IGSF9B: variants seen among roughly 807,000 people sequenced by gnomAD.
The protein encoded by IGSF9B is immunoglobulin superfamily member 9B.
In IGSF9B, 48 loss-of-function variants were observed where a neutral mutation model predicts 143.7. The observed-to-expected ratio is 0.33, with a 90% CI of 0.26 to 0.42. The LOEUF is 0.42. Among genes scored for constraint, IGSF9B ranks in the 20% least tolerant of loss-of-function variants. The pLI, the probability that IGSF9B is intolerant of heterozygous loss-of-function variation, is 1.00. For missense variants in IGSF9B, 1,706 were observed against 1,980.0 expected (o/e 0.86, Z 2.63); for synonymous variants, 903 against 833.1 (o/e 1.08, Z -1.44).
chr11:133,948,057 G>A lies in IGSF9B; in HGVS notation c.65-1799C>T, dbSNP rs562838181. 5.2e-5 allele frequency among the ~76,000 whole-genome samples: 1 copy of A among 19,108 alleles called. No individual in the cohort carries two copies. The highest frequency in any genetic ancestry group is 8.5e-5 in the Non-Finnish European group (1 of 11,760). 12.5% of individuals were successfully genotyped at this position (19,108 alleles called of 152,430 possible). A position where few individuals can be genotyped will look rare whatever the true frequency, so the allele number is the denominator to read the frequency against. On this transcript the variant is annotated intron_variant, in intron 1 of 19. Transcript: ENST00000533871. The surrounding 1 kb of genome is among the most constrained non-coding windows in gnomAD (Gnocchi z 4.7). ...TGTTTCTGTCTACCAGCATGTGTGC[G>A]TGTGTGTGTGTGTGTGTGTGTGTGT...
At position 133,920,624 on chromosome 11, in the gene IGSF9B, C is replaced by T. The variant is rs1477279695; in HGVS notation, c.3101G>A (p.Gly1034Glu). ...TLPLTQTPTGGRSPEPWGRPE... is the reference protein window; with the variant it reads ...TLPLTQTPTGERSPEPWGRPE... ...CCGGCCCCAGGGCTCAGGGGAGCGCCCTCCTGTAGGTGTCTGAGTCAAGGG... is the reference window on the plus strand; with the variant it reads ...CCGGCCCCAGGGCTCAGGGGAGCGCTCTCCTGTAGGTGTCTGAGTCAAGGG... Residue 1034 changes from glycine (G) to glutamate (E), a missense_variant, in exon 18 of 20, where the codon GGG becomes GAG. Around this residue, in one of 7 missense-constraint regions of IGSF9B, gnomAD observed 880 missense variants for 762.9 expected, o/e 1.15. Coordinates refer to ENST00000533871, the MANE Select transcript of IGSF9B (RefSeq NM_001277285.4). The T allele has an allele frequency of 4.3e-6, 7 of 1,613,368 alleles. No homozygotes were observed. The Admixed American group carries it at 1.2e-4, about 27-fold the overall frequency.
At chr11:133,939,417 T>C (rs759651669) in intron 3 of IGSF9B, among the ~76,000 whole-genome samples, 3 of 152,274 alleles carry the variant, frequency 2.0e-5, no homozygotes, top group Non-Finnish European at 4.4e-5. Flanking sequence ...ATTAGGATGG[T>C]GGCTCCTTAA....
chr11:133,925,491 G>A (rs547062158), intron 14 of IGSF9B, among the ~76,000 whole-genome samples: 21 of 152,238 alleles, frequency 1.4e-4, no homozygotes, highest in African/African-American at 4.3e-4. Flanking sequence ...AGCTTGTAGC[G>A]GTGCCGGGAC....
At position 133,931,985 on chromosome 11, in the gene IGSF9B, C is replaced by T; in HGVS notation, c.1110+86G>A. On this transcript the variant is annotated intron_variant, in intron 8 of 19. Transcript: ENST00000533871. This position sits in a 1 kb window ranked among gnomAD's most constrained non-coding sequence, Gnocchi z 7.7. ...AGGGCTTTTGGAAGGGGCCAGGAGTCCTGGCAGAAATCCAGAGCCCAGAGG... is the reference window on the plus strand; with the variant it reads ...AGGGCTTTTGGAAGGGGCCAGGAGTTCTGGCAGAAATCCAGAGCCCAGAGG... 2.0e-6 allele frequency: 3 copies of T among 1,535,388 alleles called. No individual in the cohort carries two copies. Among genetic ancestry groups the T allele is most frequent in the Non-Finnish European group, 2.6e-6 (3 of 1,137,812 alleles).
intron 12 of IGSF9B, 72 bp downstream of exon 12, chr11:133,929,599 A>C: frequency 6.7e-5 from 70 of 1,043,572 alleles, no homozygotes; most frequent in Non-Finnish European, 9.3e-5. Flanking sequence ...CACCCGGGGT[A>C]GCCTGCAGGA....
chr11:133,911,615 A>G (rs1939302719), intron 19 of IGSF9B, among the ~76,000 whole-genome samples: 1 of 152,262 alleles, frequency 6.6e-6, no homozygotes, highest in Non-Finnish European at 1.5e-5. Context: ...ACAGTTCTCC[A>G]GGTGAGTGGA....
At chr11:133,915,685 G>C (rs1397604677) in intron 18 of IGSF9B, among the ~76,000 whole-genome samples, 1 of 152,210 alleles carries the variant, frequency 6.6e-6, no homozygotes, top group Admixed American at 6.5e-5. Flanking sequence ...CAAGCCTCAG[G>C]ACAGGGAAAG....
Position 133,939,584 on chromosome 11 carries a change from C to A in IGSF9B, c.410-1623G>T, listed in dbSNP as rs538019543. Among the ~76,000 whole-genome samples, 3 of 152,370 alleles carry A rather than the reference C, an allele frequency of 2.0e-5. No homozygotes were observed. In the South Asian group the frequency reaches 6.2e-4, roughly 32 times the overall value. ...ACATACACAGACCTGCAGGCCGATACCAAAACACTTCTTAAGAGCAAGGCC... is the reference window on the plus strand; with the variant it reads ...ACATACACAGACCTGCAGGCCGATAACAAAACACTTCTTAAGAGCAAGGCC... On this transcript the variant is annotated intron_variant, in intron 3 of 19. Coordinates refer to ENST00000533871, the MANE Select transcript of IGSF9B (RefSeq NM_001277285.4).
In IGSF9B at chr11:133,907,412, G is replaced by A. The variant is rs1939225385; in HGVS notation, c.*1657C>T. Among the ~76,000 whole-genome samples the A allele has an allele frequency of 6.6e-6, 1 of 152,238 alleles. No homozygotes were observed. ...CAATGCTGCCGTGGCTCACGTCCAAGCAGGGAACTCGGGAGAGGTGGGTGC... is the reference window on the plus strand; with the variant it reads ...CAATGCTGCCGTGGCTCACGTCCAAACAGGGAACTCGGGAGAGGTGGGTGC... On this transcript the variant is annotated 3_prime_UTR_variant, in exon 20 of 20. Transcript: ENST00000533871.
chr11:133,924,701 C>A, intron 15 of IGSF9B, 119 bp downstream of exon 15: 1 of 797,558 alleles, frequency 1.3e-6, no homozygotes, highest in Admixed American at 2.0e-5. Flanking sequence ...TGCAACCAGG[C>A]ACTGCCTTAG....
At chr11:133,952,059 GGACA>G (rs1374289071) in intron 1 of IGSF9B, 2 of 455,608 alleles carry the variant, frequency 4.4e-6, no homozygotes, top group African/African-American at 2.0e-5. Flanking sequence ...TTCTCAGAAA[GGACA>G]GTCAGGCCGG....
intron 16 of IGSF9B, 50 bp from the exon 17 acceptor site, chr11:133,922,272 C>T (rs778037886): frequency 7.1e-5 from 106 of 1,491,544 alleles, no homozygotes; most frequent in Non-Finnish European, 8.9e-5. Context: ...CCAGCAACCA[C>T]GCAGCACGCG....
At chr11:133,952,066 C>G in intron 1 of IGSF9B, 1 of 455,764 alleles carries the variant, frequency 2.2e-6, no homozygotes, top group South Asian at 1.5e-5. Context: ...AAAGGACAGT[C>G]AGGCCGGCTG....
At chr11:133,926,490 G>C (rs1042276944) in intron 13 of IGSF9B, among the ~76,000 whole-genome samples, 4 of 152,214 alleles carry the variant, frequency 2.6e-5, no homozygotes, top group African/African-American at 9.6e-5. Flanking sequence ...ACTGTGGCCA[G>C]GCAGGGAGGA....
intron 19 of IGSF9B, among the ~76,000 whole-genome samples, chr11:133,910,528 G>A (rs1270058639): frequency 6.6e-6 from 1 of 152,210 alleles, no homozygotes; most frequent in Non-Finnish European, 1.5e-5. Context: ...CACCCCAGTG[G>A]GTACCAGTGC....
rs567995253 is a variant in IGSF9B, at chr11:133,953,169, G to C, written c.64+3522C>G. Among the ~76,000 whole-genome samples, 10 of 152,306 alleles carry C rather than the reference G, an allele frequency of 6.6e-5. No homozygotes were observed. The South Asian group carries it at 2.1e-3, about 32-fold the overall frequency. On this transcript the variant is annotated intron_variant, in intron 1 of 19. Transcript: ENST00000533871. This position sits in a 1 kb window ranked among gnomAD's most constrained non-coding sequence, Gnocchi z 4.2. ...TGATGCTGGGGCTCAGAATCTTCCA[G>C]CGAGGCAGCCTCTGCTCCTCTGTAA... is the stretch of plus-strand genomic sequence containing the variant.
At position 133,928,103 on chromosome 11, in the gene IGSF9B, GAAGCAGCACCGC is replaced by G. The variant is rs1375792530; in HGVS notation, c.1632-1024_1632-1013del. ...GAGCAGCAGCGTGGAGCAGCAGCGT[GAAGCAGCACCGC>G]AAGCAGCAGGGGAGCCCCAATCTAC... is the stretch of plus-strand genomic sequence containing the variant. On this transcript the variant is annotated intron_variant, in intron 12 of 19. Coordinates refer to ENST00000533871, the MANE Select transcript of IGSF9B (RefSeq NM_001277285.4). The surrounding 1 kb of genome is among the most constrained non-coding windows in gnomAD (Gnocchi z 4.7). Among the ~76,000 whole-genome samples, 1 of 152,068 alleles carries G rather than the reference GAAGCAGCACCGC, an allele frequency of 6.6e-6. No homozygotes were observed. The highest frequency in any genetic ancestry group is 1.5e-5 in the Non-Finnish European group (1 of 68,020).
chr11:133,924,904 C>G lies in IGSF9B; in HGVS notation c.2035G>C (p.Asp679His). Residue 679 changes from aspartate to histidine, a missense_variant and splice_region_variant, in exon 15 of 20, where the codon GAC becomes CAC. By Grantham distance (81) the Asp-to-His change is moderately conservative. Transcript: ENST00000533871. ...GEFFAKDLSQ[D>H]TWYEFRVLAV... Reference sequence around the variant, plus strand: ...AGAACCCGGAACTCATACCACGTGTCCTGCAGCCCCAGGGACAATACCCAG... The same window carrying G: ...AGAACCCGGAACTCATACCACGTGTGCTGCAGCCCCAGGGACAATACCCAG... 6.2e-7 allele frequency: 1 copy of G among 1,613,424 alleles called. No individual in the cohort carries two copies. Among genetic ancestry groups the G allele is most frequent in the Non-Finnish European group, 8.5e-7 (1 of 1,179,782 alleles).
intron 18 of IGSF9B, chr11:133,918,992 A>G (rs189331775): frequency 4.5e-4 from 214 of 478,528 alleles, no homozygotes; most frequent in African/African-American, 3.5e-3. Flanking sequence ...TGAGAGAAGA[A>G]GAGGCACAGG....
Sources: allele counts gnomAD v4.1 joint callset (sites outside exome capture counted in the v4.1 genomes callset), GRCh38; gene constraint gnomAD v4.1.1; regional missense constraint gnomAD v4.1.1; non-coding constraint Gnocchi (gnomAD v3.1); transcripts MANE v1.5; gene names NCBI Gene and HGNC (gene_info 2026-07-23, HGNC 2026-07-21).